ADGRF5: variants seen among roughly 807,000 people sequenced by gnomAD.
ADGRF5 encodes G-protein coupled receptor 116.
Under a neutral mutation model 132.3 loss-of-function variants are expected in ADGRF5, and 75 were observed. The ratio of observed to expected loss-of-function variants is 0.57; its 90% CI spans 0.47 to 0.69. ADGRF5 has a LOEUF of 0.69. Among genes scored for constraint, ADGRF5 ranks in the 30% least tolerant of loss-of-function variants. The pLI is 0.00. For missense variants in ADGRF5, 1,516 were observed against 1,630.6 expected (o/e 0.93, Z 1.21); for synonymous variants, 629 against 597.6 (o/e 1.05, Z -0.77).
At chr6:46,861,153 A>C (rs1050854210) in intron 15 of ADGRF5, among the ~76,000 whole-genome samples, 2 of 152,304 alleles carry the variant, frequency 1.3e-5, no homozygotes, top group Non-Finnish European at 2.9e-5. Flanking sequence ...CAAAAAAGGG[A>C]AGCTAGATGT....
Position 46,866,909 on chromosome 6 carries a change from G to A in ADGRF5, c.1834+16C>T. On this transcript the variant is annotated intron_variant, in intron 13 of 20. Coordinates refer to ENST00000283296, the MANE Select transcript of ADGRF5 (RefSeq NM_001098518.2). The stretch of plus-strand genomic sequence containing the variant: ...TGAAATAATATACCCTAACAATTCA[G>A]CAATCAGCATCTTACCAGCAGGAAG... 6.7e-7 allele frequency: 1 copy of A among 1,481,522 alleles called. No individual in the cohort carries two copies. Among genetic ancestry groups the A allele is most frequent in the Non-Finnish European group, 9.4e-7 (1 of 1,059,076 alleles). 91.8% of individuals were successfully genotyped at this position (1,481,522 alleles called of 1,614,324 possible). A position where few individuals can be genotyped will look rare whatever the true frequency, so the allele number is the denominator to read the frequency against.
rs60324995 is a variant in ADGRF5, at chr6:46,897,257, A to G, written c.157+2772T>C. ...AATTCATGGTGTGCTGAGAATAAAT[A>G]TAAGTATTGATCCTATCTTTAAAGA... On this transcript the variant is annotated intron_variant, in intron 3 of 20. Coordinates refer to ENST00000283296, the MANE Select transcript of ADGRF5 (RefSeq NM_001098518.2). Among the ~76,000 whole-genome samples the G allele has an allele frequency of 8.9e-3, 1,358 of 152,112 alleles. 19 individuals carry two copies. Among genetic ancestry groups the G allele is most frequent in the African/African-American group, 0.031 (1,270 of 41,474 alleles).
At chr6:46,864,400 T>G (rs1770139614) in intron 14 of ADGRF5, among the ~76,000 whole-genome samples, 2 of 152,228 alleles carry the variant, frequency 1.3e-5, no homozygotes, top group South Asian at 4.1e-4. Context: ...ACCTTTCATT[T>G]GCTGAAACCC....
chr6:46,879,787 T>C lies in ADGRF5; in HGVS notation c.1036+31A>G, dbSNP rs111638268. 3.0e-4 allele frequency: 423 copies of C among 1,398,146 alleles called. 1 individual carries two copies. The African/African-American group carries it at 5.3e-3, about 17-fold the overall frequency. The allele number at this position is 1,398,146 out of a possible 1,614,324, so 86.6% of individuals were successfully genotyped here. On this transcript the variant is annotated intron_variant, in intron 9 of 20. Coordinates refer to ENST00000283296, the MANE Select transcript of ADGRF5 (RefSeq NM_001098518.2). Reference sequence around the variant, plus strand: ...CTTCTTTATAAGCTCTTCATTCCATTCCTCACACAAGTTACTGAATGGAGA... The same window carrying C: ...CTTCTTTATAAGCTCTTCATTCCATCCCTCACACAAGTTACTGAATGGAGA...
chr6:46,888,327 T>C lies in ADGRF5; in HGVS notation c.328+8A>G. On this transcript the variant is annotated splice_region_variant and intron_variant, in intron 4 of 20. Transcript: ENST00000283296. ...CATTTATTCTGAAGCAATGGGTCTC[T>C]TACTCACCTGTTGTCACATTTATGC... The C allele has an allele frequency of 6.3e-7, 1 of 1,590,180 alleles. No individual in the cohort carries two copies. Among genetic ancestry groups the C allele is most frequent in the Non-Finnish European group, 8.6e-7 (1 of 1,158,216 alleles).
At chr6:46,910,435 T>C (rs1460054236) in intron 1 of ADGRF5, among the ~76,000 whole-genome samples, 1 of 152,170 alleles carries the variant, frequency 6.6e-6, no homozygotes, top group African/African-American at 2.4e-5. Context: ...GTAGGAGTCC[T>C]GTCTTACTGG....
At chr6:46,884,432 T>A (rs1421464702) in intron 4 of ADGRF5, among the ~76,000 whole-genome samples, 161 bp from the exon 5 acceptor site, 1 of 152,226 alleles carries the variant, frequency 6.6e-6, no homozygotes, top group East Asian at 1.9e-4. Context: ...GATATTTGCA[T>A]GTATGCATCA....
chr6:46,877,896 C>A (rs967143707), intron 10 of ADGRF5, among the ~76,000 whole-genome samples: 1 of 152,172 alleles, frequency 6.6e-6, no homozygotes, highest in African/African-American at 2.4e-5. Context: ...TGAGCACAAG[C>A]TTTTCTTGTC....
chr6:46,922,963 G>A (rs1582031577), upstream of ADGRF5, among the ~76,000 whole-genome samples: 1 of 152,304 alleles, frequency 6.6e-6, no homozygotes, highest in East Asian at 1.9e-4. Flanking sequence ...GTCTCGCTCT[G>A]TCTCCCAGGC....
At chr6:46,872,235 A>G (rs934001739) in intron 10 of ADGRF5, among the ~76,000 whole-genome samples, 1 of 152,182 alleles carries the variant, frequency 6.6e-6, no homozygotes, top group African/African-American at 2.4e-5. Context: ...GATATTGTTG[A>G]GACAGTCACT....
At chr6:46,895,825 A>T (rs147721236) in intron 3 of ADGRF5, among the ~76,000 whole-genome samples, 1 of 151,678 alleles carries the variant, frequency 6.6e-6, no homozygotes, top group Non-Finnish European at 1.5e-5. Flanking sequence ...TCATTCCCCC[A>T]TGAAGAGTCC....
chr6:46,883,536 A>G (rs537651016), intron 6 of ADGRF5, 23 bp downstream of exon 6: 2 of 1,206,586 alleles, frequency 1.7e-6, no homozygotes, highest in African/African-American at 1.5e-5. Context: ...GTTAGTTAAG[A>G]GGTTCTTGGG....
At position 46,897,660 on chromosome 6, in the gene ADGRF5, C is replaced by A. The variant is rs192389139; in HGVS notation, c.157+2369G>T. Among the ~76,000 whole-genome samples the A allele has an allele frequency of 8.6e-3, 1,311 of 152,252 alleles. 18 individuals carry two copies. Among genetic ancestry groups the A allele is most frequent in the African/African-American group, 0.029 (1,189 of 41,530 alleles). ...TGCGATCTCAGCTCACTGCAACCTC[C>A]GCCTCCCGGGTTCAAGCGATTCTCC... On this transcript the variant is annotated intron_variant, in intron 3 of 20. Coordinates refer to ENST00000283296, the MANE Select transcript of ADGRF5 (RefSeq NM_001098518.2).
chr6:46,875,813 C>A (rs1562171556), intron 10 of ADGRF5, among the ~76,000 whole-genome samples: 2 of 152,018 alleles, frequency 1.3e-5, no homozygotes, highest in Non-Finnish European at 2.9e-5. Context: ...CAAAATGAAA[C>A]AAAAAAACCA....
intron 4 of ADGRF5, among the ~76,000 whole-genome samples, chr6:46,885,927 G>A (rs1443576903): frequency 6.6e-6 from 1 of 152,144 alleles, no homozygotes; most frequent in Non-Finnish European, 1.5e-5. Flanking sequence ...GATAATAACT[G>A]TTTGTTATTT....
At chr6:46,910,178 C>T in intron 1 of ADGRF5, among the ~76,000 whole-genome samples, 1 of 152,114 alleles carries the variant, frequency 6.6e-6, no homozygotes, top group Admixed American at 6.6e-5. Flanking sequence ...CGTCAGAACT[C>T]CAAGAGATCT....
intron 12 of ADGRF5, 33 bp from the exon 13 acceptor site, chr6:46,867,170 G>C: frequency 5.6e-5 from 1 of 17,986 alleles, no homozygotes; most frequent in Non-Finnish European, 2.8e-4. Context: ...GAGATGGAAT[G>C]GAAATAATCG....
intron 3 of ADGRF5, among the ~76,000 whole-genome samples, chr6:46,893,659 C>T (rs777680795): frequency 1.3e-5 from 2 of 152,182 alleles, no homozygotes; most frequent in Non-Finnish European, 2.9e-5. Flanking sequence ...CACTCTCATC[C>T]TCTTCTGCTC....
At chr6:46,919,436 T>C (rs1776704858) in intron 1 of ADGRF5, among the ~76,000 whole-genome samples, 1 of 152,216 alleles carries the variant, frequency 6.6e-6, no homozygotes, top group South Asian at 2.1e-4. Context: ...ACTAAAAAGT[T>C]GCATATAAAT....
Sources: gnomAD v4.1 joint callset for allele counts (sites outside exome capture counted in the v4.1 genomes callset) on GRCh38, gnomAD v4.1.1 for gene constraint, MANE v1.5 for transcripts, NCBI Gene and HGNC (gene_info 2026-07-23, HGNC 2026-07-21) for gene names.